Variants in C2CD5 observed in about 807,000 individuals in gnomAD.
C2CD5 encodes the protein C2 domain-containing protein 5.
A neutral mutation model predicts 130.3 loss-of-function variants in C2CD5; 109 were observed. That is an observed-to-expected ratio of 0.84 (90% confidence interval 0.72 to 0.98). The LOEUF (loss-of-function observed/expected upper bound fraction) is 0.98, where lower values mean the gene tolerates loss of function less well. Ranked by LOEUF, C2CD5 falls within the 50% of genes least tolerant of loss-of-function variation. The probability of loss-of-function intolerance (pLI) is 0.00; values close to 1 mark genes in which losing one functional copy is unlikely to be tolerated. For synonymous variants in C2CD5, 454 were observed against 429.2 expected (o/e 1.06, Z -0.71); for missense variants, 996 against 1,261.8 (o/e 0.79, Z 3.19).
At chr12:22,501,666 A>C (rs763916285) in intron 10 of C2CD5, among the ~76,000 whole-genome samples, 22 of 152,140 alleles carry the variant, frequency 1.4e-4, no homozygotes, top group African/African-American at 1.9e-4. Flanking sequence ...AAATTTCCCT[A>C]TGGATTTACC....
intron 2 of C2CD5, among the ~76,000 whole-genome samples, chr12:22,541,281 C>T (rs780532321): frequency 2.0e-5 from 3 of 152,092 alleles, no homozygotes; most frequent in African/African-American, 7.2e-5. Flanking sequence ...TCCACTTGTC[C>T]GCATTACCAA....
intron 22 of C2CD5, chr12:22,463,384 C>G (rs1941528252): frequency 6.6e-6 from 1 of 150,506 alleles, no homozygotes; most frequent in African/African-American, 2.4e-5. Context: ...GAGGGAGACT[C>G]TTGTCTCAAA....
intron 8 of C2CD5, among the ~76,000 whole-genome samples, chr12:22,517,162 C>T (rs12305913): frequency 0.18 from 27,556 of 151,604 alleles, 5,200 homozygotes; most frequent in African/African-American, 0.48. Context: ...TATAGGGCTA[C>T]TAAAAATATT....
chr12:22,528,853 C>A (rs1411043464), intron 3 of C2CD5, among the ~76,000 whole-genome samples: 1 of 152,082 alleles, frequency 6.6e-6, no homozygotes, highest in Non-Finnish European at 1.5e-5. Context: ...CTTTCCCTAT[C>A]CCCTATTTAA....
intron 15 of C2CD5, among the ~76,000 whole-genome samples, chr12:22,475,369 C>T (rs148204153): frequency 5.5e-4 from 83 of 152,212 alleles, no homozygotes; most frequent in Non-Finnish European, 1.1e-3. Flanking sequence ...AGTATGAATA[C>T]ATATATACTT....
At chr12:22,521,664 T>C (rs1950279978) in intron 7 of C2CD5, among the ~76,000 whole-genome samples, 2 of 152,224 alleles carry the variant, frequency 1.3e-5, no homozygotes, top group Non-Finnish European at 2.9e-5. Flanking sequence ...ATATTTTAAA[T>C]GGAATATAAA....
At chr12:22,506,124 G>C (rs1224565008) in intron 10 of C2CD5, among the ~76,000 whole-genome samples, 7 of 152,112 alleles carry the variant, frequency 4.6e-5, no homozygotes, top group African/African-American at 1.7e-4. Context: ...TTTGACCCAT[G>C]GACTGGTTTG....
chr12:22,478,985 G>C (rs967585488), intron 14 of C2CD5, among the ~76,000 whole-genome samples: 5 of 152,154 alleles, frequency 3.3e-5, no homozygotes, highest in African/African-American at 4.8e-5. Flanking sequence ...GGTTTCTTTT[G>C]GGGAGGACCC....
intron 3 of C2CD5, among the ~76,000 whole-genome samples, chr12:22,533,436 C>T (rs1024184457): frequency 6.6e-6 from 1 of 152,126 alleles, no homozygotes; most frequent in Non-Finnish European, 1.5e-5. Flanking sequence ...TCTTGTTGTT[C>T]TCAAAGCCTA....
At chr12:22,514,879 G>T (rs1346571573) in intron 8 of C2CD5, 1 of 502,108 alleles carries the variant, frequency 2.0e-6, no homozygotes, top group African/African-American at 2.1e-5. Flanking sequence ...TAATAGAAAG[G>T]CATCTTGTAT....
chr12:22,516,525 G>A (rs2136928691), intron 8 of C2CD5, among the ~76,000 whole-genome samples: 2 of 150,646 alleles, frequency 1.3e-5, no homozygotes, highest in South Asian at 4.2e-4. Context: ...TTTATTCCTT[G>A]ACAATCTTCT....
rs189226392 is a variant in C2CD5, at chr12:22,517,092, T to A, written c.952+894A>T. On this transcript the variant is annotated intron_variant, in intron 8 of 26. Coordinates refer to ENST00000446597, the MANE Select transcript of C2CD5 (RefSeq NM_001286176.2). ...AAGTAGCACTGCTTTGGATTTAGAC[T>A]TCTTTTCCTTGTTTTCACAAAATCT... 2.0e-5 allele frequency among the ~76,000 whole-genome samples: 3 copies of A among 151,970 alleles called. No individual in the cohort carries two copies. The East Asian group carries it at 5.8e-4, about 29-fold the overall frequency.
intron 9 of C2CD5, 137 bp from the exon 10 acceptor site, chr12:22,506,956 T>C: frequency 1.7e-6 from 1 of 587,536 alleles, no homozygotes; most frequent in Non-Finnish European, 3.1e-6. Context: ...ACACATGCTT[T>C]GTAATTAAAA....
chr12:22,478,156 G>A (rs1944144140), intron 15 of C2CD5, 157 bp downstream of exon 15: 1 of 637,604 alleles, frequency 1.6e-6, no homozygotes, highest in South Asian at 1.9e-5. Context: ...TACCCGAAAA[G>A]GAGACAGTTG....
At chr12:22,450,482 G>A (rs1938338579) in intron 26 of C2CD5, among the ~76,000 whole-genome samples, 1 of 152,072 alleles carries the variant, frequency 6.6e-6, no homozygotes, top group African/African-American at 2.4e-5. Flanking sequence ...ATACTATATG[G>A]AAGTGAAAAA....
At chr12:22,519,976 T>C (rs1950120111) in intron 7 of C2CD5, among the ~76,000 whole-genome samples, 1 of 152,136 alleles carries the variant, frequency 6.6e-6, no homozygotes, top group Admixed American at 6.5e-5. Flanking sequence ...ATCAAAATTT[T>C]ATAAGATATC....
chr12:22,539,090 T>C (rs1952093403), intron 2 of C2CD5, among the ~76,000 whole-genome samples: 3 of 152,168 alleles, frequency 2.0e-5, no homozygotes, highest in African/African-American at 7.2e-5. Context: ...CCCCCCTTCA[T>C]AGCCATACAT....
chr12:22,501,478 C>G (rs1487197114), intron 10 of C2CD5, among the ~76,000 whole-genome samples: 1 of 152,132 alleles, frequency 6.6e-6, no homozygotes, highest in East Asian at 1.9e-4. Context: ...CTCTCAATGT[C>G]CTTTTTCTAT....
chr12:22,536,556 G>A (rs995249119), intron 2 of C2CD5, among the ~76,000 whole-genome samples: 1 of 152,208 alleles, frequency 6.6e-6, no homozygotes, highest in East Asian at 1.9e-4. Context: ...TCGACTATAT[G>A]TACTGTCACT....
Sources: gnomAD v4.1 joint callset for allele counts (sites outside exome capture counted in the v4.1 genomes callset) on GRCh38, gnomAD v4.1.1 for gene constraint, MANE v1.5 for transcripts, NCBI Gene and HGNC (gene_info 2026-07-23, HGNC 2026-07-21) for gene names.